CTNNA3: variants seen among roughly 807,000 people sequenced by gnomAD.
CTNNA3 encodes catenin alpha-3.
Under a neutral mutation model 95.7 loss-of-function variants are expected in CTNNA3, and 76 were observed. That is an observed-to-expected ratio of 0.79 (90% CI 0.66 to 0.96). The LOEUF (loss-of-function observed/expected upper bound fraction) is 0.96. CTNNA3 is among the 40% of genes least tolerant of loss of function. CTNNA3 has a pLI of 0.00. For synonymous variants in CTNNA3, 431 were observed against 374.4 expected, an observed-to-expected ratio of 1.15 and a Z score of -1.74; for missense variants, 1,191 against 1,089.8, an observed-to-expected ratio of 1.09 and a Z score of -1.31.
intron 7 of CTNNA3, among the ~76,000 whole-genome samples, chr10:66,987,926 T>C (rs1850824261): frequency 6.6e-6 from 1 of 152,322 alleles, no homozygotes; most frequent in Middle Eastern, 3.4e-3. Context: ...TTTCAATTTT[T>C]CAAATGATCT....
rs190649113 is a variant in CTNNA3 at position 66,707,468 on chromosome 10, A to G, written c.1281+58796T>C. Among the ~76,000 whole-genome samples, 4 of 152,042 alleles carry G rather than the reference A, an allele frequency of 2.6e-5. No individual in the cohort carries two copies. In the East Asian group the frequency reaches 7.7e-4, roughly 29 times the overall value. ...CAGGGCTCCCTCTTACACTCTGTGT[A>G]TCATATATAGTATCTAGCAAGGTAG... is the stretch of plus-strand genomic sequence containing the variant. On this transcript the variant is annotated intron_variant, in intron 9 of 17. Transcript: ENST00000433211.
intron 5 of CTNNA3, among the ~76,000 whole-genome samples, chr10:67,221,235 AGGTAAAT>A (rs1369429445): frequency 6.6e-6 from 1 of 152,206 alleles, no homozygotes; most frequent in East Asian, 1.9e-4. Flanking sequence ...ACTGGAAAAA[AGGTAAAT>A]GGGAACTCTC....
chr10:66,233,502 G>C (rs897893201), intron 13 of CTNNA3, among the ~76,000 whole-genome samples: 4 of 152,120 alleles, frequency 2.6e-5, no homozygotes, highest in African/African-American at 7.2e-5. Context: ...ACTTATTTAT[G>C]AGTGTCTTAA....
chr10:67,686,961 G>T (rs1025871430), intron 1 of CTNNA3, among the ~76,000 whole-genome samples: 1 of 152,114 alleles, frequency 6.6e-6, no homozygotes, highest in African/African-American at 2.4e-5. Context: ...TCCAGCTTTG[G>T]CTAATATGTC....
chr10:66,386,002 AAAACTGGAAGCATTCCCTTTGG>A (rs2092887639), intron 11 of CTNNA3, among the ~76,000 whole-genome samples: 1 of 152,228 alleles, frequency 6.6e-6, no homozygotes, highest in Admixed American at 6.5e-5. Context: ...TGAATGGGCA[AAAACTGGAAGCATTCCCTTTGG>A]AAACTGGCAC....
intron 5 of CTNNA3, among the ~76,000 whole-genome samples, chr10:67,443,485 G>C (rs946406108): frequency 1.3e-4 from 20 of 151,746 alleles, no homozygotes; most frequent in South Asian, 8.3e-4. Flanking sequence ...AATGATTGCC[G>C]TTCTAACTGG....
At chr10:65,964,400 C>T (rs989943937) in intron 17 of CTNNA3, among the ~76,000 whole-genome samples, 1 of 152,106 alleles carries the variant, frequency 6.6e-6, no homozygotes, top group Non-Finnish European at 1.5e-5. Context: ...ATTTGCAATG[C>T]TCTTCCTCAT....
At chr10:66,207,150 AT>A (rs34949457) in intron 13 of CTNNA3, among the ~76,000 whole-genome samples, 26,186 of 150,600 alleles carry the variant, frequency 0.17, 2,494 homozygotes, top group Admixed American at 0.25. Flanking sequence ...AGCTTTTCTA[AT>A]ATATCATTTA....
intron 8 of CTNNA3, among the ~76,000 whole-genome samples, chr10:66,772,657 A>T (rs1840139313): frequency 6.6e-6 from 1 of 152,184 alleles, no homozygotes; most frequent in Non-Finnish European, 1.5e-5. Context: ...TGAAACAAAT[A>T]AATACTCTCG....
intron 10 of CTNNA3, among the ~76,000 whole-genome samples, chr10:66,531,642 A>G (rs1382410150): frequency 6.6e-6 from 1 of 152,202 alleles, no homozygotes; most frequent in South Asian, 2.1e-4. Flanking sequence ...AGAATTTACA[A>G]TTTTGTTGAA....
chr10:67,142,194 T>A (rs1860600643), intron 7 of CTNNA3, among the ~76,000 whole-genome samples: 2 of 152,198 alleles, frequency 1.3e-5, no homozygotes, highest in Non-Finnish European at 2.9e-5. Context: ...GAGATATTAT[T>A]GGAGAACAAA....
chr10:66,585,503 T>C (rs1843331094), intron 10 of CTNNA3, among the ~76,000 whole-genome samples: 1 of 151,878 alleles, frequency 6.6e-6, no homozygotes, highest in African/African-American at 2.4e-5. Context: ...TTCACTGCAT[T>C]TTGTAGTTGC....
intron 11 of CTNNA3, among the ~76,000 whole-genome samples, chr10:66,444,104 T>C (rs1002651872): frequency 6.6e-6 from 1 of 151,900 alleles, no homozygotes; most frequent in Non-Finnish European, 1.5e-5. Context: ...TGAAATGAAG[T>C]CAGAAGGGAA....
At chr10:67,452,269 AAAG>A (rs1198287090) in intron 5 of CTNNA3, among the ~76,000 whole-genome samples, 1 of 152,206 alleles carries the variant, frequency 6.6e-6, no homozygotes, top group African/African-American at 2.4e-5. Flanking sequence ...CAAAATATAA[AAAG>A]AAAGTAAAAA....
intron 7 of CTNNA3, among the ~76,000 whole-genome samples, chr10:67,015,792 T>C (rs1852620098): frequency 6.6e-6 from 1 of 152,154 alleles, no homozygotes; most frequent in Non-Finnish European, 1.5e-5. Context: ...ATGTTGTCTC[T>C]CTTTTCCCTG....
chr10:66,433,687 C>G (rs1445843025), intron 11 of CTNNA3, among the ~76,000 whole-genome samples: 1 of 151,974 alleles, frequency 6.6e-6, no homozygotes, highest in Admixed American at 6.6e-5. Flanking sequence ...GTTGCCATTG[C>G]TTTGGTGTTT....
chr10:67,456,622 G>C (rs967894909), intron 5 of CTNNA3, among the ~76,000 whole-genome samples: 1 of 152,102 alleles, frequency 6.6e-6, no homozygotes, highest in South Asian at 2.1e-4. Flanking sequence ...TTCTTTCTCT[G>C]TATGAACATG....
At chr10:67,095,914 C>G (rs1857961713) in intron 7 of CTNNA3, among the ~76,000 whole-genome samples, 1 of 151,748 alleles carries the variant, frequency 6.6e-6, no homozygotes, top group Non-Finnish European at 1.5e-5. Flanking sequence ...TCTGTGACAA[C>G]AAGATTCTTA....
chr10:66,368,663 T>A (rs961075105), intron 12 of CTNNA3, among the ~76,000 whole-genome samples: 1 of 152,076 alleles, frequency 6.6e-6, no homozygotes, highest in African/African-American at 2.4e-5. Context: ...ATGCAAATAA[T>A]GGAAAAACAC....
Sources: gnomAD v4.1 joint callset for allele counts (sites outside exome capture counted in the v4.1 genomes callset) on GRCh38, gnomAD v4.1.1 for gene constraint, MANE v1.5 for transcripts, NCBI Gene and HGNC (gene_info 2026-07-23, HGNC 2026-07-21) for gene names.